MIA2: variants seen among roughly 807,000 people sequenced by gnomAD.
The protein encoded by MIA2 is melanoma inhibitory activity protein 2.
In MIA2, 127 loss-of-function variants were observed where a neutral mutation model predicts 167.8. The observed-to-expected ratio is 0.76, with a 90% CI of 0.66 to 0.88. The LOEUF is 0.88. Ranked by LOEUF, MIA2 falls within the 40% of genes least tolerant of loss-of-function variation. The probability of loss-of-function intolerance (pLI) is 0.00; values close to 1 mark genes in which losing one functional copy is unlikely to be tolerated. For synonymous variants in MIA2, 552 were observed against 541.9 expected, an observed-to-expected ratio of 1.02 and a Z score of -0.26; for missense variants, 1,690 against 1,624.7, an observed-to-expected ratio of 1.04 and a Z score of -0.69.
chr14:39,290,745 T>C (rs1436710806), intron 9 of MIA2, among the ~76,000 whole-genome samples: 1 of 152,236 alleles, frequency 6.6e-6, no homozygotes, highest in African/African-American at 2.4e-5. Context: ...AAGATGCTAA[T>C]ATGAGTTATA....
At chr14:39,294,456 C>T (rs932903190) in intron 12 of MIA2, among the ~76,000 whole-genome samples, 1 of 152,050 alleles carries the variant, frequency 6.6e-6, no homozygotes, top group Non-Finnish European at 1.5e-5. Flanking sequence ...CCTCGGCCTC[C>T]CAAAGTGCTG....
chr14:39,325,651 G>T (rs2067385252), intron 24 of MIA2, among the ~76,000 whole-genome samples: 1 of 151,772 alleles, frequency 6.6e-6, no homozygotes, highest in South Asian at 2.1e-4. Flanking sequence ...ACAGGTGTGA[G>T]CCACCGCGCC....
chr14:39,277,563 G>T (rs1315931485), intron 7 of MIA2, among the ~76,000 whole-genome samples: 7 of 149,288 alleles, frequency 4.7e-5, no homozygotes, highest in Non-Finnish European at 1.0e-4. Context: ...TGCTCAGGCT[G>T]GTCTCAAACT....
chr14:39,281,257 C>A (rs1417708376), intron 9 of MIA2, among the ~76,000 whole-genome samples: 2 of 152,058 alleles, frequency 1.3e-5, no homozygotes, highest in African/African-American at 4.8e-5. Context: ...TTGATTGTTA[C>A]TTTTCCACAT....
Position 39,346,027 on chromosome 14 carries a change from G to A in MIA2, c.3778+1G>A, listed in dbSNP as rs1338680653. 2 of 1,610,846 alleles carry A rather than the reference G, an allele frequency of 1.2e-6. No homozygotes were observed. Among genetic ancestry groups the A allele is most frequent in the Admixed American group, 1.7e-5 (1 of 59,784 alleles). On this transcript the variant is annotated splice_donor_variant, in intron 26 of 28. Transcript: ENST00000640607. LOFTEE classifies it high-confidence loss of function. ...AATATGCCTTCTTTGGATAAAATGG[G>A]TAAGAAGTACTTTGTGCTTTTCTTC...
At chr14:39,303,873 G>C (rs1235766568) in intron 16 of MIA2, among the ~76,000 whole-genome samples, 2 of 151,254 alleles carry the variant, frequency 1.3e-5, no homozygotes, top group African/African-American at 2.4e-5. Flanking sequence ...CCTATTTTAA[G>C]TAAATACTAG....
chr14:39,285,411 T>G lies in MIA2; in HGVS notation c.2131-5608T>G, dbSNP rs1595038068. On this transcript the variant is annotated intron_variant, in intron 9 of 28. Coordinates refer to ENST00000640607, the MANE Select transcript of MIA2 (RefSeq NM_001329214.4). ...CCACCTCCCTCCCGGAAGGGGCGGC[T>G]GGCCGGGCGGGGGCTGACCCCCCCA... Among the ~76,000 whole-genome samples the G allele has an allele frequency of 1.5e-5, 2 of 131,034 alleles. 1 individual carries two copies. The highest frequency in any genetic ancestry group is 5.0e-4 in the South Asian group (2 of 4,000). The allele number at this position is 131,034 out of a possible 152,430, so 86.0% of individuals were successfully genotyped here.
chr14:39,269,718 T>G (rs1385799587), intron 6 of MIA2, among the ~76,000 whole-genome samples: 1 of 151,974 alleles, frequency 6.6e-6, no homozygotes, highest in East Asian at 1.9e-4. Flanking sequence ...ACAGGGTTTC[T>G]CCATGTTACC....
At chr14:39,279,296 G>A (rs765096265) in intron 7 of MIA2, 41 bp from the exon 8 acceptor site, 17 of 1,548,110 alleles carry the variant, frequency 1.1e-5, no homozygotes, top group African/African-American at 4.1e-5. Flanking sequence ...ACTTGAGAGC[G>A]TATTTGTTTT....
At chr14:39,341,860 A>G (rs2071950988) in intron 25 of MIA2, among the ~76,000 whole-genome samples, 1 of 152,216 alleles carries the variant, frequency 6.6e-6, no homozygotes, top group South Asian at 2.1e-4. Flanking sequence ...AGATATTGAT[A>G]AAGCTGTATA....
chr14:39,362,886 C>G (rs2074718996), intron 23 of MIA2, among the ~76,000 whole-genome samples: 1 of 152,164 alleles, frequency 6.6e-6, no homozygotes, highest in Non-Finnish European at 1.5e-5. Context: ...TGTGTTTTCA[C>G]TTGTTTCAAG....
chr14:39,350,345 A>G lies in MIA2; in HGVS notation c.*81A>G. 1.7e-6 allele frequency: 1 copy of G among 592,452 alleles called. No homozygotes were observed. The highest frequency in any genetic ancestry group is 2.9e-6 in the Non-Finnish European group (1 of 347,052). The allele number at this position is 592,452 out of a possible 1,614,324, so 36.7% of individuals were successfully genotyped here. Reference sequence around the variant, plus strand: ...TAACTGCTGTTACTTAAGTGATTACACTTTTGCTCAAATTGAAGCTTAATG... The same window carrying G: ...TAACTGCTGTTACTTAAGTGATTACGCTTTTGCTCAAATTGAAGCTTAATG... On this transcript the variant is annotated 3_prime_UTR_variant, in exon 29 of 29. Transcript: ENST00000640607.
intron 9 of MIA2, among the ~76,000 whole-genome samples, chr14:39,288,475 A>ATATATTTTTTTT (rs1294270700): frequency 2.0e-5 from 1 of 50,516 alleles, no homozygotes; most frequent in Non-Finnish European, 3.0e-5. Context: ...ATATATATAT[A>ATATATTTTTTTT]TTTTTTTTTT....
chr14:39,360,262 A>G (rs2074651052), intron 23 of MIA2, among the ~76,000 whole-genome samples: 1 of 152,194 alleles, frequency 6.6e-6, no homozygotes, highest in Non-Finnish European at 1.5e-5. Context: ...AGATTGTGCC[A>G]CTGAACTCCA....
chr14:39,288,508 G>A (rs1303860479), intron 9 of MIA2, among the ~76,000 whole-genome samples: 3 of 119,006 alleles, frequency 2.5e-5, no homozygotes, highest in Middle Eastern at 4.9e-3. Context: ...GGAGTCTGGC[G>A]CTGTCACCCG....
chr14:39,296,120 C>A (rs1424041660), intron 13 of MIA2, among the ~76,000 whole-genome samples: 1 of 152,036 alleles, frequency 6.6e-6, no homozygotes, highest in African/African-American at 2.4e-5. Flanking sequence ...GATTTCACTT[C>A]ACCCCCATCC....
chr14:39,331,580 T>C (rs1245022181), intron 25 of MIA2, among the ~76,000 whole-genome samples: 1 of 152,242 alleles, frequency 6.6e-6, no homozygotes, highest in Non-Finnish European at 1.5e-5. Context: ...GTTGTGTTTT[T>C]GCAGTGGCTG....
chr14:39,284,633 T>A (rs980700196), intron 9 of MIA2, among the ~76,000 whole-genome samples: 3 of 152,242 alleles, frequency 2.0e-5, no homozygotes, highest in African/African-American at 7.2e-5. Context: ...CCTCAATTTC[T>A]TTCATCAATG....
At chr14:39,250,450 C>T (rs189306651) in intron 4 of MIA2, among the ~76,000 whole-genome samples, 175 of 151,952 alleles carry the variant, frequency 1.2e-3, no homozygotes, top group African/African-American at 4.1e-3. Flanking sequence ...AATCCTAGCA[C>T]GTTGAGAGGC....
Sources: allele counts gnomAD v4.1 joint callset (sites outside exome capture counted in the v4.1 genomes callset), GRCh38; gene constraint gnomAD v4.1.1; transcripts MANE v1.5; gene names NCBI Gene and HGNC (gene_info 2026-07-23, HGNC 2026-07-21).